The following ADK variants were observed in gnomAD, a reference collection of about 807,000 sequenced individuals.
The protein encoded by ADK is N6,N6-dimethyladenosine kinase.
A neutral mutation model predicts 44.7 loss-of-function variants in ADK; 24 were observed. That is an observed-to-expected ratio of 0.54 (90% CI 0.39 to 0.76). The LOEUF (loss-of-function observed/expected upper bound fraction) is 0.76, where lower values mean the gene tolerates loss of function less well. Ranked by LOEUF, ADK falls within the 30% of genes least tolerant of loss-of-function variation. ADK has a pLI of 0.00. For missense variants in ADK, 321 were observed against 425.1 expected, an observed-to-expected ratio of 0.76 and a Z score of 2.15; for synonymous variants, 128 against 142.6, an observed-to-expected ratio of 0.90 and a Z score of 0.73.
At chr10:74,365,418 C>T (rs970583426) in intron 4 of ADK, among the ~76,000 whole-genome samples, 13 of 152,150 alleles carry the variant, frequency 8.5e-5, no homozygotes, top group African/African-American at 3.1e-4. Context: ...AGAATAATGT[C>T]GTGGAGGTGC....
intron 1 of ADK, chr10:74,176,690 T>C (rs2132067588): frequency 1.4e-6 from 2 of 1,449,016 alleles, no homozygotes; most frequent in Non-Finnish European, 1.8e-6. Context: ...AGCGCCCGCC[T>C]TCCCTCCAAT....
intron 7 of ADK, among the ~76,000 whole-genome samples, chr10:74,587,474 A>T (rs1298218526): frequency 6.6e-6 from 1 of 152,186 alleles, no homozygotes; most frequent in African/African-American, 2.4e-5. Context: ...TAAATCCTCA[A>T]AATGGTTCTC....
At chr10:74,595,446 T>G (rs1434941782) in intron 8 of ADK, among the ~76,000 whole-genome samples, 3 of 132,704 alleles carry the variant, frequency 2.3e-5, no homozygotes, top group Non-Finnish European at 4.7e-5. Flanking sequence ...GCGTGATCTT[T>G]GCTCACTGCA....
intron 3 of ADK, among the ~76,000 whole-genome samples, chr10:74,274,026 T>C (rs1461285836): frequency 6.7e-6 from 1 of 149,036 alleles, no homozygotes; most frequent in Non-Finnish European, 1.5e-5. Flanking sequence ...GGCTTAAACA[T>C]TTTTTTTTTG....
At chr10:74,649,173 A>G (rs1261140114) in intron 9 of ADK, among the ~76,000 whole-genome samples, 2 of 152,204 alleles carry the variant, frequency 1.3e-5, no homozygotes, top group African/African-American at 2.4e-5. Flanking sequence ...AGATCGCACT[A>G]CTGCACTCCA....
intron 3 of ADK, among the ~76,000 whole-genome samples, chr10:74,312,305 T>A (rs985130862): frequency 1.3e-5 from 2 of 152,068 alleles, no homozygotes; most frequent in African/African-American, 2.4e-5. Context: ...TGTGTGTGTG[T>A]GTATGTATAT....
At chr10:74,527,374 A>AC in intron 7 of ADK, among the ~76,000 whole-genome samples, 1 of 38,806 alleles carries the variant, frequency 2.6e-5, no homozygotes, top group South Asian at 1.1e-3. Flanking sequence ...CAAACAAACA[A>AC]AAAAAAAAAA....
chr10:74,456,413 G>A (rs1359329277), intron 6 of ADK, among the ~76,000 whole-genome samples: 4 of 152,020 alleles, frequency 2.6e-5, no homozygotes, highest in Non-Finnish European at 5.9e-5. Context: ...GGTGGTTCAC[G>A]CCTGTAATCC....
intron 6 of ADK, among the ~76,000 whole-genome samples, chr10:74,412,290 A>G (rs1157418632): frequency 6.6e-6 from 1 of 152,088 alleles, no homozygotes; most frequent in African/African-American, 2.4e-5. Context: ...AAGCTCAAGC[A>G]ATCCTCCCAC....
At chr10:74,495,147 AATG>A (rs1847636772) in intron 6 of ADK, among the ~76,000 whole-genome samples, 1 of 152,080 alleles carries the variant, frequency 6.6e-6, no homozygotes, top group Admixed American at 6.5e-5. Context: ...GATAAATAAT[AATG>A]ATGTAGATCT....
intron 4 of ADK, among the ~76,000 whole-genome samples, chr10:74,387,127 G>T (rs907389471): frequency 1.3e-5 from 2 of 152,086 alleles, no homozygotes; most frequent in African/African-American, 4.8e-5. Context: ...AGTAGAGACG[G>T]TGTTTCACCA....
chr10:74,701,908 C>T (rs1241568707), intron 10 of ADK, among the ~76,000 whole-genome samples: 1 of 152,154 alleles, frequency 6.6e-6, no homozygotes, highest in East Asian at 1.9e-4. Context: ...CGTACCACTG[C>T]ACTCCAGCCT....
At position 74,455,098 on chromosome 10, in the gene ADK, T is replaced by A. The variant is rs1845896576; in HGVS notation, c.555+56519T>A. On this transcript the variant is annotated intron_variant, in intron 6 of 10. Transcript: ENST00000539909. Reference sequence around the variant, plus strand: ...GGGGTAGTATATCCTGAACCGTGCCTATAGGAATGATGATAATAATATCTA... The same window carrying A: ...GGGGTAGTATATCCTGAACCGTGCCAATAGGAATGATGATAATAATATCTA... Among the ~76,000 whole-genome samples the A allele has an allele frequency of 2.0e-5, 3 of 152,182 alleles. No homozygotes were observed. In the South Asian group the frequency reaches 6.2e-4, roughly 32 times the overall value.
chr10:74,319,112 TG>T (rs1840727447), intron 4 of ADK, among the ~76,000 whole-genome samples: 1 of 152,222 alleles, frequency 6.6e-6, no homozygotes, highest in Non-Finnish European at 1.5e-5. Context: ...AAAAGAAGCA[TG>T]CCTTTATTCT....
At chr10:74,704,742 G>A (rs1461829610) in intron 10 of ADK, among the ~76,000 whole-genome samples, 1 of 152,164 alleles carries the variant, frequency 6.6e-6, no homozygotes, top group Non-Finnish European at 1.5e-5. Context: ...TTCTCACAAT[G>A]ATCATACCAG....
At chr10:74,340,530 G>A (rs1841549170) in intron 4 of ADK, among the ~76,000 whole-genome samples, 1 of 152,062 alleles carries the variant, frequency 6.6e-6, no homozygotes, top group African/African-American at 2.4e-5. Context: ...CATAGCATTT[G>A]CTTTGATTAA....
At chr10:74,563,362 A>G (rs549899799) in intron 7 of ADK, among the ~76,000 whole-genome samples, 7 of 152,316 alleles carry the variant, frequency 4.6e-5, no homozygotes, top group African/African-American at 1.7e-4. Flanking sequence ...CTAATTTATT[A>G]AGTCTCAAAT....
chr10:74,677,460 TCC>T (rs1196890021), intron 10 of ADK, among the ~76,000 whole-genome samples: 1 of 152,176 alleles, frequency 6.6e-6, no homozygotes, highest in Non-Finnish European at 1.5e-5. Flanking sequence ...ATAGCTTCCT[TCC>T]CCATTCTTCT....
chr10:74,353,000 G>C (rs1038668697), intron 4 of ADK, among the ~76,000 whole-genome samples: 1 of 152,218 alleles, frequency 6.6e-6, no homozygotes, highest in Non-Finnish European at 1.5e-5. Flanking sequence ...GTAGAAGACA[G>C]TGTAGCAATT....
Sources: allele counts gnomAD v4.1 joint callset (sites outside exome capture counted in the v4.1 genomes callset), GRCh38; gene constraint gnomAD v4.1.1; transcripts MANE v1.5; gene names NCBI Gene and HGNC (gene_info 2026-07-23, HGNC 2026-07-21).